The following TENM3 variants were observed in gnomAD, a reference collection of about 807,000 sequenced individuals.
TENM3 encodes teneurin transmembrane protein 3.
A neutral mutation model predicts 255.1 loss-of-function variants in TENM3; 63 were observed. That is an observed-to-expected ratio of 0.25 (90% CI 0.20 to 0.30). The LOEUF (loss-of-function observed/expected upper bound fraction) is 0.30. Ranked by LOEUF, TENM3 falls within the 10% of genes least tolerant of loss-of-function variation. TENM3 has a pLI of 1.00. For synonymous variants in TENM3, 1,306 were observed against 1,322.3 expected (o/e 0.99, Z 0.27); for missense variants, 2,929 against 3,461.1 (o/e 0.85, Z 3.86).
Position 182,215,957 on chromosome 4 carries a change from A to G in TENM3, c.-76+71203A>G, listed in dbSNP as rs1755435446. Among the ~76,000 whole-genome samples the G allele has an allele frequency of 2.0e-5, 3 of 152,226 alleles. 1 individual carries two copies. The South Asian group carries it at 6.2e-4, about 31-fold the overall frequency. On this transcript the variant is annotated intron_variant, in intron 1 of 2. Transcript: ENST00000512480. ...AATTTTGAATGAAGGGAGAAGAGCC[A>G]GAGCTGGAGAAAACGACACTACCCC...
chr4:181,850,608 A>G, the TENM3 span, among the ~76,000 whole-genome samples: 1 of 152,298 alleles, frequency 6.6e-6, no homozygotes, highest in East Asian at 1.9e-4. Context: ...TGTTATTGCT[A>G]TAAAAATATT....
At chr4:182,069,264 A>G in the TENM3 span, among the ~76,000 whole-genome samples, 1 of 152,174 alleles carries the variant, frequency 6.6e-6, no homozygotes, top group South Asian at 2.1e-4. Flanking sequence ...GAATATTCCT[A>G]TTTCCTTTCT....
intron 13 of TENM3, among the ~76,000 whole-genome samples, chr4:182,728,400 C>G (rs1278578753): frequency 2.0e-5 from 3 of 152,102 alleles, no homozygotes; most frequent in Admixed American, 2.0e-4. Context: ...ATAGATTGTT[C>G]TAATCACTAA....
chr4:182,141,127 G>C (rs1198936658), upstream of TENM3: 1 of 152,296 alleles, frequency 6.6e-6, no homozygotes, highest in Non-Finnish European at 1.5e-5. Flanking sequence ...AGGGGCCCAC[G>C]GGAGGGCGAT....
chr4:182,520,585 A>C (rs1447729997), intron 3 of TENM3, among the ~76,000 whole-genome samples: 1 of 152,204 alleles, frequency 6.6e-6, no homozygotes, highest in African/African-American at 2.4e-5. Flanking sequence ...GCATTAAATT[A>C]TTCCTGCTAA....
chr4:181,729,089 A>T, the TENM3 span, among the ~76,000 whole-genome samples: 2 of 152,212 alleles, frequency 1.3e-5, no homozygotes, highest in Non-Finnish European at 2.9e-5. Flanking sequence ...GAGGGAAGTG[A>T]AGAAAATACA....
intron 2 of TENM3, among the ~76,000 whole-genome samples, chr4:182,338,396 A>G (rs986336352): frequency 2.0e-4 from 31 of 152,240 alleles, no homozygotes; most frequent in Admixed American, 1.6e-3. Flanking sequence ...TTTGTGTCAT[A>G]GATGGGACCA....
At chr4:182,607,369 C>T (rs1044603021) in intron 4 of TENM3, among the ~76,000 whole-genome samples, 1 of 152,126 alleles carries the variant, frequency 6.6e-6, no homozygotes, top group Non-Finnish European at 1.5e-5. Flanking sequence ...TCTCACTCTT[C>T]CCGTCGCTTA....
the TENM3 span, among the ~76,000 whole-genome samples, chr4:181,504,780 G>T: frequency 6.6e-6 from 1 of 152,220 alleles, no homozygotes; most frequent in Non-Finnish European, 1.5e-5. Context: ...GGTGCTGGGT[G>T]TATTTTGGAC....
chr4:182,593,241 G>A (rs1746849871), intron 3 of TENM3, among the ~76,000 whole-genome samples: 1 of 152,166 alleles, frequency 6.6e-6, no homozygotes, highest in Non-Finnish European at 1.5e-5. Flanking sequence ...TTATTCAGGA[G>A]TAAGGAAGCC....
chr4:181,993,800 TTA>T, the TENM3 span, among the ~76,000 whole-genome samples: 1 of 152,150 alleles, frequency 6.6e-6, no homozygotes, highest in African/African-American at 2.4e-5. Context: ...AGAAAAATAA[TTA>T]TATATATATG....
intron 1 of TENM3, among the ~76,000 whole-genome samples, chr4:182,161,973 A>G (rs1190758954): frequency 1.8e-5 from 1 of 56,556 alleles, no homozygotes; most frequent in East Asian, 2.4e-4. Context: ...ATATATATAT[A>G]TATATATATA....
the TENM3 span, among the ~76,000 whole-genome samples, chr4:181,836,438 T>C: frequency 6.6e-6 from 1 of 152,344 alleles, no homozygotes; most frequent in South Asian, 2.1e-4. Flanking sequence ...CATTTGGGTC[T>C]TTCATTAACC....
chr4:181,879,045 G>T, the TENM3 span, among the ~76,000 whole-genome samples: 1 of 152,052 alleles, frequency 6.6e-6, no homozygotes, highest in Non-Finnish European at 1.5e-5. Flanking sequence ...GATGAAAGTG[G>T]GATTGCCACA....
the TENM3 span, among the ~76,000 whole-genome samples, chr4:181,983,111 A>G: frequency 6.6e-6 from 1 of 152,204 alleles, no homozygotes; most frequent in Admixed American, 6.6e-5. Flanking sequence ...ATAGGAAGAC[A>G]TTCACAAGTG....
At chr4:181,725,894 C>T in the TENM3 span, among the ~76,000 whole-genome samples, 1 of 152,102 alleles carries the variant, frequency 6.6e-6, no homozygotes, top group African/African-American at 2.4e-5. Context: ...TTAGTAACGA[C>T]ACTTTAGGGA....
chr4:181,455,158 A>T, the TENM3 span, among the ~76,000 whole-genome samples: 1 of 152,118 alleles, frequency 6.6e-6, no homozygotes, highest in African/African-American at 2.4e-5. Flanking sequence ...TTACTAAAAG[A>T]CATGTGGCTG....
the TENM3 span, among the ~76,000 whole-genome samples, chr4:181,683,790 G>C: frequency 3.9e-5 from 6 of 152,214 alleles, no homozygotes; most frequent in African/African-American, 1.4e-4. Context: ...GACGGACCCT[G>C]TGCTGTCTGA....
the TENM3 span, among the ~76,000 whole-genome samples, chr4:181,544,787 C>T: frequency 6.6e-6 from 1 of 152,052 alleles, no homozygotes. Flanking sequence ...CACATGTAGT[C>T]CATGAGAAAA....
Sources: gnomAD v4.1 joint callset for allele counts (sites outside exome capture counted in the v4.1 genomes callset) on GRCh38, gnomAD v4.1.1 for gene constraint, MANE v1.5 for transcripts, NCBI Gene and HGNC (gene_info 2026-07-23, HGNC 2026-07-21) for gene names.